Variants in TRPM6 observed in about 807,000 individuals in gnomAD.
The protein encoded by TRPM6 is channel kinase 2.
In TRPM6, 111 loss-of-function variants were observed where a neutral mutation model predicts 247.6. The observed-to-expected ratio is 0.45, with a 90% CI of 0.38 to 0.52. The LOEUF (loss-of-function observed/expected upper bound fraction) is 0.52. Ranked by LOEUF, TRPM6 falls within the 20% of genes least tolerant of loss-of-function variation. The pLI is 0.00. For synonymous variants in TRPM6, 892 were observed against 853.8 expected, an observed-to-expected ratio of 1.04 and a Z score of -0.78; for missense variants, 2,126 against 2,421.5, an observed-to-expected ratio of 0.88 and a Z score of 2.56.
rs1051664359 is a variant in TRPM6 at position 74,820,382 on chromosome 9, C to G, written c.1056G>C (p.Gln352His). 6 of 1,614,012 alleles carry G rather than the reference C, an allele frequency of 3.7e-6. No individual in the cohort carries two copies. In the African/African-American group the frequency reaches 6.7e-5, roughly 18 times the overall value. Residue 352 changes from glutamine (Q) to histidine (H), a missense_variant, in exon 9 of 39, where the codon CAG becomes CAC. Around this residue, in one of 3 missense-constraint regions of TRPM6, gnomAD observed 1,082 missense variants for 1,307.9 expected, o/e 0.83. Transcript: ENST00000360774. ...QVKEEIICMI[Q>H]NTFNFSLKQS... ...GTTTAAGACTAAAGTTGAAAGTGTT[C>G]TGAATCATGCAGATGATCTCCTCTT...
At chr9:74,852,760 C>G (rs1024599370) in intron 3 of TRPM6, among the ~76,000 whole-genome samples, 2 of 152,278 alleles carry the variant, frequency 1.3e-5, no homozygotes, top group Non-Finnish European at 1.5e-5. Flanking sequence ...CCCGAGGTGC[C>G]GGGATTGCAG....
intron 21 of TRPM6, among the ~76,000 whole-genome samples, chr9:74,783,780 T>C (rs1827545542): frequency 6.6e-6 from 1 of 152,060 alleles, no homozygotes; most frequent in African/African-American, 2.4e-5. Flanking sequence ...ATAGGAAAAA[T>C]CTTTGGAGTC....
intron 27 of TRPM6, among the ~76,000 whole-genome samples, chr9:74,755,905 T>C (rs775505895): frequency 9.9e-5 from 15 of 152,216 alleles, no homozygotes; most frequent in Non-Finnish European, 1.6e-4. Flanking sequence ...GAATTTGTGT[T>C]GGAATTCTAG....
At chr9:74,803,012 G>A (rs930253348) in intron 15 of TRPM6, among the ~76,000 whole-genome samples, 3 of 151,990 alleles carry the variant, frequency 2.0e-5, no homozygotes, top group African/African-American at 7.3e-5. Flanking sequence ...TATAATGCCT[G>A]GCAAATACTA....
At chr9:74,758,419 C>T (rs1377211837) in intron 27 of TRPM6, among the ~76,000 whole-genome samples, 2 of 152,092 alleles carry the variant, frequency 1.3e-5, no homozygotes, top group African/African-American at 4.8e-5. Context: ...AAAAAAAATA[C>T]ATCATGACCA....
At chr9:74,786,168 A>G in intron 20 of TRPM6, 43 bp from the exon 21 acceptor site, 1 of 1,606,860 alleles carries the variant, frequency 6.2e-7, no homozygotes, top group Non-Finnish European at 8.5e-7. Flanking sequence ...AGGTACAACC[A>G]AAGAATCCCA....
chr9:74,736,972 G>A (rs1825717788), intron 36 of TRPM6, among the ~76,000 whole-genome samples: 2 of 151,676 alleles, frequency 1.3e-5, no homozygotes, highest in Admixed American at 1.3e-4. Context: ...TTTTGTGTGT[G>A]TGTTTCTGTT....
chr9:74,744,065 C>T, intron 32 of TRPM6, 30 bp downstream of exon 32: 1 of 1,606,562 alleles, frequency 6.2e-7, no homozygotes, highest in East Asian at 2.2e-5. Flanking sequence ...TTTAGCTCAG[C>T]TGACATGTCT....
At chr9:74,827,561 A>G in intron 7 of TRPM6, 1 of 666,402 alleles carries the variant, frequency 1.5e-6, no homozygotes, top group Admixed American at 2.2e-5. Flanking sequence ...TCATGGAAGG[A>G]TGAAGACTTT....
At chr9:74,852,467 C>T (rs558636860) in intron 3 of TRPM6, among the ~76,000 whole-genome samples, 12 of 150,682 alleles carry the variant, frequency 8.0e-5, no homozygotes, top group African/African-American at 2.7e-4. Context: ...CTCCCTCTCC[C>T]TCTCCCTCTC....
intron 23 of TRPM6, among the ~76,000 whole-genome samples, chr9:74,776,335 G>C (rs1827221915): frequency 6.6e-6 from 1 of 152,016 alleles, no homozygotes; most frequent in African/African-American, 2.4e-5. Flanking sequence ...AACATTTTCA[G>C]TGTAATGAAC....
At chr9:74,757,671 G>C (rs72618103) in intron 27 of TRPM6, among the ~76,000 whole-genome samples, 7,806 of 152,094 alleles carry the variant, frequency 0.051, 254 homozygotes, top group East Asian at 0.17. Flanking sequence ...CCCAGCACTC[G>C]GGAAACCGAG....
At chr9:74,853,996 AAC>A (rs1197626788) in intron 3 of TRPM6, among the ~76,000 whole-genome samples, 11 of 152,240 alleles carry the variant, frequency 7.2e-5, no homozygotes, top group African/African-American at 2.7e-4. Context: ...ATAATAATGA[AAC>A]AGAGTGGCAT....
intron 23 of TRPM6, among the ~76,000 whole-genome samples, chr9:74,780,094 C>A (rs1312579237): frequency 6.6e-6 from 1 of 151,874 alleles, no homozygotes. Context: ...ATCACTTGAA[C>A]CCGGGAGGCA....
intron 19 of TRPM6, among the ~76,000 whole-genome samples, chr9:74,789,727 A>G (rs1224824232): frequency 6.6e-6 from 1 of 152,166 alleles, no homozygotes; most frequent in East Asian, 1.9e-4. Context: ...TGGGAGGCCA[A>G]GGCGGGTGGA....
rs200643983 is a variant in TRPM6 at position 74,736,291 on chromosome 9, C to T, written c.5776+2116G>A. On this transcript the variant is annotated intron_variant, in intron 36 of 38. Coordinates refer to ENST00000360774, the MANE Select transcript of TRPM6 (RefSeq NM_017662.5). ...CACAGTGGAACCAGAAGTCAGACTCCGGCATTGCAACTCCAGAGCTCCTCC... is the reference window on the plus strand; with the variant it reads ...CACAGTGGAACCAGAAGTCAGACTCTGGCATTGCAACTCCAGAGCTCCTCC... 4.3e-4 allele frequency among the ~76,000 whole-genome samples: 66 copies of T among 152,254 alleles called. 1 individual carries two copies. The highest frequency in any genetic ancestry group is 3.3e-3 in the East Asian group (17 of 5,170).
At chr9:74,848,476 G>C in intron 3 of TRPM6, among the ~76,000 whole-genome samples, 1 of 152,220 alleles carries the variant, frequency 6.6e-6, no homozygotes, top group East Asian at 1.9e-4. Context: ...TGAATGGCAC[G>C]CAATTTTAAA....
At chr9:74,808,815 T>C (rs1429228381) in intron 13 of TRPM6, among the ~76,000 whole-genome samples, 1 of 152,238 alleles carries the variant, frequency 6.6e-6, no homozygotes, top group Non-Finnish European at 1.5e-5. Flanking sequence ...TCAAATTCAA[T>C]ACCAAAACAT....
intron 23 of TRPM6, among the ~76,000 whole-genome samples, chr9:74,778,516 T>A (rs2118906821): frequency 6.6e-6 from 1 of 152,308 alleles, no homozygotes. Context: ...CTCAAAGCAA[T>A]GTTCCACTGA....
Sources: allele counts gnomAD v4.1 joint callset (sites outside exome capture counted in the v4.1 genomes callset), GRCh38; gene constraint gnomAD v4.1.1; regional missense constraint gnomAD v4.1.1; transcripts MANE v1.5; gene names NCBI Gene and HGNC (gene_info 2026-07-23, HGNC 2026-07-21).